ITGA9: variants seen among roughly 807,000 people sequenced by gnomAD.
ITGA9 encodes integrin subunit alpha 9.
Under a neutral mutation model 127.8 loss-of-function variants are expected in ITGA9, and 56 were observed. The ratio of observed to expected loss-of-function variants is 0.44; its 90% CI spans 0.35 to 0.55. ITGA9 has a LOEUF of 0.55. Ranked by LOEUF, ITGA9 falls within the 20% of genes least tolerant of loss-of-function variation. The pLI is 0.00. For synonymous variants in ITGA9, 508 were observed against 514.5 expected (o/e 0.99, Z 0.17); for missense variants, 1,196 against 1,347.1 (o/e 0.89, Z 1.76).
At position 37,513,793 on chromosome 3, in the gene ITGA9, G is replaced by T. The variant is rs746058456; in HGVS notation, c.928G>T (p.Ala310Ser). ...CTCTTACTTCGGCTCCTCCTTGTGCGCAGTTGACCTGAATGGGGACGGCCT... is the reference window on the plus strand; with the variant it reads ...CTCTTACTTCGGCTCCTCCTTGTGCTCAGTTGACCTGAATGGGGACGGCCT... The part of the protein sequence containing the change: ...MGSYFGSSLC[A>S]VDLNGDGLSD... Residue 310 changes from alanine to serine, a missense_variant, in exon 9 of 28, where the codon GCA (alanine) becomes TCA (serine). Coordinates refer to ENST00000264741, the MANE Select transcript of ITGA9 (RefSeq NM_002207.3). The T allele has an allele frequency of 1.9e-6, 3 of 1,614,082 alleles. No homozygotes were observed. Among genetic ancestry groups the T allele is most frequent in the East Asian group, 2.2e-5 (1 of 44,882 alleles).
chr3:37,500,068 G>A (rs539185179), intron 5 of ITGA9, among the ~76,000 whole-genome samples: 1 of 152,290 alleles, frequency 6.6e-6, no homozygotes, highest in Non-Finnish European at 1.5e-5. Flanking sequence ...TGCTCATTAG[G>A]TTCTTCAGTG....
intron 18 of ITGA9, among the ~76,000 whole-genome samples, chr3:37,714,643 G>C (rs1701115029): frequency 6.6e-6 from 1 of 152,204 alleles, no homozygotes; most frequent in Admixed American, 6.5e-5. Context: ...GCCACTCAAA[G>C]CGTGGTCTCC....
chr3:37,481,756 G>T (rs1698558331), intron 4 of ITGA9, 149 bp downstream of exon 4: 1 of 1,117,586 alleles, frequency 8.9e-7, no homozygotes, highest in Non-Finnish European at 1.3e-6. Context: ...ATGGTCTCTT[G>T]GTCCCCAAGG....
chr3:37,537,739 C>G (rs1012323421), intron 14 of ITGA9, among the ~76,000 whole-genome samples: 1 of 152,170 alleles, frequency 6.6e-6, no homozygotes, highest in Non-Finnish European at 1.5e-5. Context: ...AGCTCCGGGC[C>G]CCTTGTGTGG....
chr3:37,512,057 TTTCTTTCTTTCTTTCTTTCCTTCCTTCC>T (rs1559524642), intron 8 of ITGA9, among the ~76,000 whole-genome samples: 21 of 71,412 alleles, frequency 2.9e-4, no homozygotes, highest in Non-Finnish European at 5.1e-4. Flanking sequence ...TCTTTCTTTC[TTTCTTTCTTTCTTTCTTTCCTTCCTTCC>T]TTCCTTCCTT....
chr3:37,623,673 ATGTGTG>A (rs1431224368), intron 15 of ITGA9, among the ~76,000 whole-genome samples: 2 of 118,170 alleles, frequency 1.7e-5, no homozygotes, highest in African/African-American at 6.4e-5. Flanking sequence ...GTGTGTGTGT[ATGTGTG>A]TGTGTGTGTG....
intron 18 of ITGA9, among the ~76,000 whole-genome samples, chr3:37,691,864 T>A (rs1047438804): frequency 6.6e-6 from 1 of 152,254 alleles, no homozygotes; most frequent in Non-Finnish European, 1.5e-5. Context: ...GAACTCATGA[T>A]GTTTTGAAAA....
chr3:37,717,399 A>G (rs1397903127), intron 18 of ITGA9, among the ~76,000 whole-genome samples: 1 of 152,218 alleles, frequency 6.6e-6, no homozygotes, highest in Non-Finnish European at 1.5e-5. Context: ...TGTTTGTATT[A>G]GTCCGTTTTC....
intron 16 of ITGA9, among the ~76,000 whole-genome samples, chr3:37,636,792 C>G (rs1361878991): frequency 1.3e-5 from 2 of 151,952 alleles, no homozygotes; most frequent in African/African-American, 4.8e-5. Flanking sequence ...TTTAATCCAT[C>G]TTGAATTAAT....
chr3:37,729,851 G>A (rs1696265506), intron 18 of ITGA9, among the ~76,000 whole-genome samples: 1 of 151,852 alleles, frequency 6.6e-6, no homozygotes, highest in African/African-American at 2.4e-5. Context: ...CTACAGGCAT[G>A]CACCACCACA....
At chr3:37,508,761 G>A (rs1698871346) in intron 8 of ITGA9, 134 bp downstream of exon 8, 3 of 729,470 alleles carry the variant, frequency 4.1e-6, no homozygotes, top group African/African-American at 3.5e-5. Flanking sequence ...CTGCTTGTTG[G>A]TGTCTTTACC....
intron 15 of ITGA9, among the ~76,000 whole-genome samples, chr3:37,551,465 T>C (rs1446129840): frequency 6.9e-6 from 1 of 144,658 alleles, no homozygotes; most frequent in Non-Finnish European, 1.5e-5. Flanking sequence ...GTGAACTAGC[T>C]GTGAACAATC....
chr3:37,694,306 C>A lies in ITGA9; in HGVS notation c.2067+10291C>A, dbSNP rs535240260. Among the ~76,000 whole-genome samples, 30 of 152,284 alleles carry A rather than the reference C, an allele frequency of 2.0e-4. No individual in the cohort carries two copies. In the South Asian group the frequency reaches 4.8e-3, roughly 24 times the overall value. ...TCCTTGAGAGGACAAGAGAAGGTGG[C>A]GGGGAGCAGGCACCCCCAGCCTGTG... is the stretch of plus-strand genomic sequence containing the variant. On this transcript the variant is annotated intron_variant, in intron 18 of 27. Transcript: ENST00000264741.
rs1319526047 is a variant in ITGA9, at chr3:37,629,077, G to A, written c.1690-110G>A. ...AAAACCCTACCTCACGAGGGTGATTGTGAGGATTATATGAGGCAATTCATG... is the reference window on the plus strand; with the variant it reads ...AAAACCCTACCTCACGAGGGTGATTATGAGGATTATATGAGGCAATTCATG... On this transcript the variant is annotated intron_variant, in intron 15 of 27. Transcript: ENST00000264741. This position sits in a 1 kb window ranked among gnomAD's most constrained non-coding sequence, Gnocchi z 4.5. The A allele has an allele frequency of 9.4e-6, 12 of 1,276,452 alleles. No individual in the cohort carries two copies. Among genetic ancestry groups the A allele is most frequent in the Admixed American group, 5.2e-5 (3 of 57,940 alleles). The allele number at this position is 1,276,452 out of a possible 1,614,324, so 79.1% of individuals were successfully genotyped here. A position where few individuals can be genotyped will look rare whatever the true frequency, so the allele number is the denominator to read the frequency against.
At chr3:37,545,721 C>T (rs1699319848) in intron 15 of ITGA9, among the ~76,000 whole-genome samples, 1 of 152,226 alleles carries the variant, frequency 6.6e-6, no homozygotes, top group Non-Finnish European at 1.5e-5. Context: ...GCCCCTCCCA[C>T]TAGCCAGTCA....
At chr3:37,813,032 C>T (rs1027559999) in intron 27 of ITGA9, among the ~76,000 whole-genome samples, 1 of 152,222 alleles carries the variant, frequency 6.6e-6, no homozygotes, top group African/African-American at 2.4e-5. Flanking sequence ...CTGAAGGAGG[C>T]CTACTTAACC....
intron 17 of ITGA9, among the ~76,000 whole-genome samples, chr3:37,672,846 A>G (rs1452354167): frequency 6.6e-6 from 1 of 152,026 alleles, no homozygotes; most frequent in Non-Finnish European, 1.5e-5. Flanking sequence ...ATTTTCTCTA[A>G]TATATTTAGA....
intron 15 of ITGA9, among the ~76,000 whole-genome samples, chr3:37,613,012 T>C (rs990719120): frequency 1.3e-5 from 2 of 151,990 alleles, no homozygotes; most frequent in African/African-American, 4.8e-5. Flanking sequence ...GTGCACAACG[T>C]GCAGGTTTGT....
chr3:37,600,463 A>G (rs1699912128), intron 15 of ITGA9, among the ~76,000 whole-genome samples: 1 of 151,302 alleles, frequency 6.6e-6, no homozygotes, highest in Non-Finnish European at 1.5e-5. Context: ...CCCCACACAT[A>G]CTCTTTGTTT....
Sources: allele counts gnomAD v4.1 joint callset (sites outside exome capture counted in the v4.1 genomes callset), GRCh38; gene constraint gnomAD v4.1.1; non-coding constraint Gnocchi (gnomAD v3.1); transcripts MANE v1.5; gene names NCBI Gene and HGNC (gene_info 2026-07-23, HGNC 2026-07-21).